MYO5B: variants seen among roughly 807,000 people sequenced by gnomAD.
MYO5B encodes the protein unconventional myosin-Vb.
MYO5B carries 143 observed loss-of-function variants against 229.3 expected under a neutral mutation model. The observed-to-expected ratio is 0.62, with a 90% CI of 0.54 to 0.72. The LOEUF (loss-of-function observed/expected upper bound fraction) is 0.72, where lower values mean the gene tolerates loss of function less well. Among genes scored for constraint, MYO5B ranks in the 30% least tolerant of loss-of-function variants. The probability of loss-of-function intolerance (pLI) is 0.00; values close to 1 mark genes in which losing one functional copy is unlikely to be tolerated. For missense variants in MYO5B, 2,321 were observed against 2,331.0 expected (o/e 1.00, Z 0.09); for synonymous variants, 918 against 885.2 (o/e 1.04, Z -0.66).
intron 1 of MYO5B, among the ~76,000 whole-genome samples, chr18:50,083,440 T>G (rs2144474508): frequency 6.6e-6 from 1 of 152,284 alleles, no homozygotes; most frequent in South Asian, 2.1e-4. Context: ...CTGAAACTAT[T>G]GTAATACCTA....
chr18:50,017,935 TTA>T (rs2026233718), intron 4 of MYO5B, among the ~76,000 whole-genome samples: 9 of 152,314 alleles, frequency 5.9e-5, no homozygotes, highest in Admixed American at 4.6e-4. Context: ...CAAGTGTACT[TTA>T]AACACAGAAA....
At chr18:49,936,733 T>C (rs1183386071) in intron 15 of MYO5B, among the ~76,000 whole-genome samples, 1 of 152,180 alleles carries the variant, frequency 6.6e-6, no homozygotes, top group Non-Finnish European at 1.5e-5. Context: ...TGCCTGGGTA[T>C]CCTGGAAATA....
chr18:50,193,635 G>A (rs926782792), intron 1 of MYO5B, among the ~76,000 whole-genome samples: 4 of 152,222 alleles, frequency 2.6e-5, no homozygotes, highest in Non-Finnish European at 5.9e-5. Context: ...CGCAACGCGC[G>A]TGGACACCAC....
chr18:50,105,806 T>C (rs1210735040), intron 1 of MYO5B, among the ~76,000 whole-genome samples: 1 of 151,984 alleles, frequency 6.6e-6, no homozygotes, highest in Non-Finnish European at 1.5e-5. Context: ...ACAAATTAAG[T>C]AAAGACAAAA....
intron 1 of MYO5B, among the ~76,000 whole-genome samples, chr18:50,116,590 C>T (rs2031966993): frequency 6.6e-6 from 1 of 152,064 alleles, no homozygotes; most frequent in African/African-American, 2.4e-5. Context: ...TCTCAATTAA[C>T]CCAATGGGAC....
intron 7 of MYO5B, among the ~76,000 whole-genome samples, chr18:49,986,002 A>C (rs1459414565): frequency 6.6e-6 from 1 of 151,900 alleles, no homozygotes; most frequent in Non-Finnish European, 1.5e-5. Context: ...CTTCAAATCC[A>C]CCTCGAAAAT....
chr18:49,921,230 TG>T (rs1297391198), intron 17 of MYO5B, among the ~76,000 whole-genome samples: 1 of 150,992 alleles, frequency 6.6e-6, no homozygotes, highest in Non-Finnish European at 1.5e-5. Context: ...TGGGAGGATG[TG>T]GAGGAGAACT....
intron 10 of MYO5B, among the ~76,000 whole-genome samples, chr18:49,965,442 A>G (rs1171318248): frequency 8.3e-6 from 1 of 120,672 alleles, no homozygotes; most frequent in South Asian, 2.9e-4. Context: ...TTTTCATACA[A>G]ACACACTTCT....
chr18:49,983,199 C>A (rs770776015), intron 8 of MYO5B, among the ~76,000 whole-genome samples: 6 of 152,170 alleles, frequency 3.9e-5, no homozygotes, highest in Non-Finnish European at 7.3e-5. Flanking sequence ...TTCTCCTTTG[C>A]CTACTGGTAG....
chr18:50,183,382 GTAT>G (rs1421994208), intron 1 of MYO5B, among the ~76,000 whole-genome samples: 1 of 140,086 alleles, frequency 7.1e-6, no homozygotes, highest in African/African-American at 2.7e-5. Flanking sequence ...TCTAAGAATG[GTAT>G]TATTCTGTAT....
At chr18:49,931,668 G>A (rs1598891306) in intron 16 of MYO5B, among the ~76,000 whole-genome samples, 1 of 152,150 alleles carries the variant, frequency 6.6e-6, no homozygotes, top group South Asian at 2.1e-4. Flanking sequence ...ATCCAAGGGG[G>A]TCTTCATTAC....
chr18:49,871,517 G>A lies in MYO5B; in HGVS notation c.3603+650C>T, dbSNP rs556241524. 3 of 157,680 alleles carry A rather than the reference G, an allele frequency of 1.9e-5. No individual in the cohort carries two copies. In the South Asian group the frequency reaches 5.7e-4, roughly 30 times the overall value. The allele number at this position is 157,680 out of a possible 1,614,324, so 9.8% of individuals were successfully genotyped here. A position where few individuals can be genotyped will look rare whatever the true frequency, so the allele number is the denominator to read the frequency against. ...GACTGTTCTCCTGGGCAATGTAGCT[G>A]TTACCAGAGTTATTTATTTTTTGAC... On this transcript the variant is annotated intron_variant, in intron 27 of 39. Transcript: ENST00000285039.
At chr18:49,959,214 G>T (rs1346702348) in intron 12 of MYO5B, among the ~76,000 whole-genome samples, 1 of 152,138 alleles carries the variant, frequency 6.6e-6, no homozygotes, top group Admixed American at 6.5e-5. Context: ...AGTGTTTCTG[G>T]TTCTGTGTCA....
intron 39 of MYO5B, among the ~76,000 whole-genome samples, chr18:49,830,054 G>A (rs999429425): frequency 6.6e-6 from 1 of 151,742 alleles, no homozygotes; most frequent in African/African-American, 2.4e-5. Context: ...TCTAGCCAGG[G>A]CAATTATACA....
In MYO5B at chr18:49,864,308, G is replaced by C. The variant is rs2024369399; in HGVS notation, c.3676C>G (p.Gln1226Glu). ...LNELRKAVAD[Q>E]ATQNNSSHGS... Reference sequence around the variant, plus strand: ...TGGCTGGAGTTATTCTGCGTGGCTTGGTCGGCCACGGCTTTCCTCAGCTCA... The same window carrying C: ...TGGCTGGAGTTATTCTGCGTGGCTTCGTCGGCCACGGCTTTCCTCAGCTCA... Residue 1226 changes from glutamine to glutamate, a missense_variant, in exon 28 of 40, where the codon CAA (glutamine) becomes GAA (glutamate). Coordinates refer to ENST00000285039, the MANE Select transcript of MYO5B (RefSeq NM_001080467.3). The C allele has an allele frequency of 1.2e-6, 2 of 1,614,014 alleles. No individual in the cohort carries two copies. The highest frequency in any genetic ancestry group is 1.7e-5 in the Admixed American group (1 of 60,004).
intron 21 of MYO5B, among the ~76,000 whole-genome samples, chr18:49,901,583 C>T (rs1408080567): frequency 6.6e-6 from 1 of 152,242 alleles, no homozygotes; most frequent in Non-Finnish European, 1.5e-5. Flanking sequence ...ATTTATTCTT[C>T]TTTCAGCCCT....
chr18:50,011,391 A>G (rs1437016598), intron 4 of MYO5B, among the ~76,000 whole-genome samples: 1 of 152,096 alleles, frequency 6.6e-6, no homozygotes. Context: ...TATAACTGCT[A>G]CCCACAAGTT....
At chr18:49,962,075 A>T (rs1273683474) in intron 12 of MYO5B, among the ~76,000 whole-genome samples, 191 bp downstream of exon 12, 1 of 152,194 alleles carries the variant, frequency 6.6e-6, no homozygotes. Context: ...AACACCTGCC[A>T]GTCACTTTAA....
intron 29 of MYO5B, 37 bp from the exon 30 acceptor site, chr18:49,856,927 T>A: frequency 6.4e-7 from 1 of 1,557,482 alleles, no homozygotes; most frequent in Non-Finnish European, 8.9e-7. Context: ...GTGTCCAGTG[T>A]AGACGGAAGA....
Sources: gnomAD v4.1 joint callset for allele counts (sites outside exome capture counted in the v4.1 genomes callset) on GRCh38, gnomAD v4.1.1 for gene constraint, MANE v1.5 for transcripts, NCBI Gene and HGNC (gene_info 2026-07-23, HGNC 2026-07-21) for gene names.